MARVELD1: variants seen among roughly 807,000 people sequenced by gnomAD.
MARVELD1 encodes MARVEL domain-containing protein 1.
A neutral mutation model predicts 11.3 loss-of-function variants in MARVELD1; 7 were observed. The observed-to-expected ratio is 0.62, with a 90% CI of 0.35 to 1.16. The LOEUF is 1.16. Among genes scored for constraint, MARVELD1 ranks in the 50% most tolerant of loss-of-function variants. The probability of loss-of-function intolerance (pLI) is 0.02; values close to 1 mark genes in which losing one functional copy is unlikely to be tolerated. For synonymous variants in MARVELD1, 119 were observed against 121.4 expected (o/e 0.98, Z 0.13); for missense variants, 216 against 243.8 (o/e 0.89, Z 0.76).
Position 97,714,401 on chromosome 10 carries a change from C to A in MARVELD1, c.*3C>A, listed in dbSNP as rs747871426. 1.3e-6 allele frequency: 2 copies of A among 1,490,996 alleles called. No individual in the cohort carries two copies. Among genetic ancestry groups the A allele is most frequent in the South Asian group, 2.6e-5 (2 of 76,850 alleles). 92.4% of individuals were successfully genotyped at this position (1,490,996 alleles called of 1,614,324 possible). On this transcript the variant is annotated 3_prime_UTR_variant, in exon 1 of 2. Transcript: ENST00000285605. This position sits in a 1 kb window ranked among gnomAD's most constrained non-coding sequence, Gnocchi z 7.4. ...AGGGCAAGCAGGAGGTGGCGTGAGG[C>A]CGCCCGCGCCCGCCGCGGCCCCGAT...
At position 97,714,077 on chromosome 10, in the gene MARVELD1, C is replaced by T. The variant is rs1029543593; in HGVS notation, c.201C>T (p.Leu67=). 2.4e-5 allele frequency: 37 copies of T among 1,536,860 alleles called. No homozygotes were observed. The Admixed American group carries it at 6.9e-4, about 29-fold the overall frequency. Residue 67 remains leucine, a synonymous_variant, in exon 1 of 2, where the codon CTC becomes CTT. Transcript: ENST00000285605. The surrounding 1 kb of genome is among the most constrained non-coding windows in gnomAD (Gnocchi z 7.4). ...ACTTCGCGCTCTTCGTGTCCGTGCT[C>T]TTCTGGCTGCTCACCCTGGGCCTCT... is the stretch of plus-strand genomic sequence containing the variant. ...PVHFALFVSV[L]FWLLTLGLYF... is the part of the protein sequence containing the mutation.
chr10:97,714,426 T>C lies in MARVELD1; in HGVS notation c.*28T>C. The C allele has an allele frequency of 3.4e-6, 5 of 1,449,790 alleles. No individual in the cohort carries two copies. The highest frequency in any genetic ancestry group is 4.5e-6 in the Non-Finnish European group (5 of 1,100,684). The allele number at this position is 1,449,790 out of a possible 1,614,324, so 89.8% of individuals were successfully genotyped here. On this transcript the variant is annotated 3_prime_UTR_variant, in exon 1 of 2. Transcript: ENST00000285605. The surrounding 1 kb of genome is among the most constrained non-coding windows in gnomAD (Gnocchi z 7.4). ...CCGCCCGCGCCCGCCGCGGCCCCGA[T>C]CGGGGCGGGGGAATCCCCGGAGACC...
rs2041896543 is a variant in MARVELD1, at chr10:97,714,508, C to G, written c.*110C>G. On this transcript the variant is annotated 3_prime_UTR_variant, in exon 1 of 2. Coordinates refer to ENST00000285605, the MANE Select transcript of MARVELD1 (RefSeq NM_031484.4). The surrounding 1 kb of genome is among the most constrained non-coding windows in gnomAD (Gnocchi z 7.4). ...CCGCGCGGGTGCGCCCTGGCACCCT[C>G]TCCCTGCCCTCCAGCGTTTCCACTG... 4 of 787,070 alleles carry G rather than the reference C, an allele frequency of 5.1e-6. No individual in the cohort carries two copies. The highest frequency in any genetic ancestry group is 1.9e-5 in the African/African-American group (1 of 53,878). 48.8% of individuals were successfully genotyped at this position (787,070 alleles called of 1,614,324 possible).
At position 97,717,460 on chromosome 10, in the gene MARVELD1, G is replaced by A. The variant is rs139037273; in HGVS notation, c.*1854G>A. The A allele has an allele frequency of 2.2e-4, 34 of 152,270 alleles. No homozygotes were observed. The highest frequency in any genetic ancestry group is 7.7e-4 in the African/African-American group (32 of 41,556). The allele number at this position is 152,270 out of a possible 1,614,324, so 9.4% of individuals were successfully genotyped here. On this transcript the variant is annotated 3_prime_UTR_variant, in exon 2 of 2. Coordinates refer to ENST00000285605, the MANE Select transcript of MARVELD1 (RefSeq NM_031484.4). The stretch of plus-strand genomic sequence containing the variant: ...TCCTGTTCTCCTTGTGCTATGATTT[G>A]GACACAAGATTCTGGATACCTGGAA...
chr10:97,714,028 C>A lies in MARVELD1; in HGVS notation c.152C>A (p.Thr51Asn), dbSNP rs888235119. The change falls in exon 1 of 2, where the codon ACC becomes AAC. Residue 51 changes from threonine to asparagine, a missense_variant. Thr to Asn is a moderately conservative substitution (Grantham distance 65). Coordinates refer to ENST00000285605, the MANE Select transcript of MARVELD1 (RefSeq NM_031484.4). The surrounding 1 kb of genome is among the most constrained non-coding windows in gnomAD (Gnocchi z 7.4). The stretch of plus-strand genomic sequence containing the variant: ...GCTGCCTTCTGGATCACTATCGCCA[C>A]CAGCAAGTACCAGGGCCCCGTGCAC... ...AGAAFWITIA[T>N]SKYQGPVHFA... The A allele has an allele frequency of 6.5e-7, 1 of 1,536,648 alleles. No individual in the cohort carries two copies. The highest frequency in any genetic ancestry group is 8.7e-7 in the Non-Finnish European group (1 of 1,146,644).
At position 97,714,539 on chromosome 10, in the gene MARVELD1, C is replaced by A; in HGVS notation, c.*141C>A. ...GCCCTCCAGCGTTTCCACTGTCGCC[C>A]GCGCCCGGGAACCCTGACGCTCAGC... On this transcript the variant is annotated 3_prime_UTR_variant, in exon 1 of 2. Coordinates refer to ENST00000285605, the MANE Select transcript of MARVELD1 (RefSeq NM_031484.4). This position sits in a 1 kb window ranked among gnomAD's most constrained non-coding sequence, Gnocchi z 7.4. 1.6e-6 allele frequency: 1 copy of A among 606,598 alleles called. No homozygotes were observed. The highest frequency in any genetic ancestry group is 3.3e-5 in the East Asian group (1 of 30,024). The allele number at this position is 606,598 out of a possible 1,614,324, so 37.6% of individuals were successfully genotyped here.
rs2041922496 is a variant in MARVELD1, at chr10:97,717,864, AC to A, written c.*2261del. ...AAGGCCCTGTGCCATAGGGGTGGCC[AC>A]CCGACCTGCCCCCAGAACTTTTGGA... is the stretch of plus-strand genomic sequence containing the variant. On this transcript the variant is annotated 3_prime_UTR_variant, in exon 2 of 2. Transcript: ENST00000285605. The A allele has an allele frequency of 6.6e-6, 1 of 152,250 alleles. No homozygotes were observed. The highest frequency in any genetic ancestry group is 2.4e-5 in the African/African-American group (1 of 41,432). 9.4% of individuals were successfully genotyped at this position (152,250 alleles called of 1,614,324 possible). A position where few individuals can be genotyped will look rare whatever the true frequency, so the allele number is the denominator to read the frequency against.
chr10:97,714,272 G>C lies in MARVELD1; in HGVS notation c.396G>C (p.Pro132=). The change falls in exon 1 of 2, where the codon CCG becomes CCC. Residue 132 remains proline (P), a synonymous_variant. Coordinates refer to ENST00000285605, the MANE Select transcript of MARVELD1 (RefSeq NM_031484.4). This position sits in a 1 kb window ranked among gnomAD's most constrained non-coding sequence, Gnocchi z 7.4. The part of the protein sequence containing the change: ...RHSYCNLKDY[P]LPCAYHAFLA... ...GCTACTGCAACCTCAAGGATTACCC[G>C]CTCCCCTGCGCCTACCACGCCTTCC... 3 of 1,536,610 alleles carry C rather than the reference G, an allele frequency of 2.0e-6. No individual in the cohort carries two copies. The highest frequency in any genetic ancestry group is 2.6e-6 in the Non-Finnish European group (3 of 1,146,688).
rs1190046574 is a variant in MARVELD1, at chr10:97,715,113, A to G, written c.*715A>G. On this transcript the variant is annotated 3_prime_UTR_variant, in exon 1 of 2. Transcript: ENST00000285605. ...ACTTGTGGAGTCTCCTCTTGCCTCTACCTACTCCGCCTTTGTCCTTAAGGT... is the reference window on the plus strand; with the variant it reads ...ACTTGTGGAGTCTCCTCTTGCCTCTGCCTACTCCGCCTTTGTCCTTAAGGT... 6.6e-6 allele frequency: 1 copy of G among 152,388 alleles called. No homozygotes were observed. Among genetic ancestry groups the G allele is most frequent in the African/African-American group, 2.4e-5 (1 of 41,488 alleles). The allele number at this position is 152,388 out of a possible 1,614,324, so 9.4% of individuals were successfully genotyped here. A position where few individuals can be genotyped will look rare whatever the true frequency, so the allele number is the denominator to read the frequency against.
chr10:97,714,351 C>T lies in MARVELD1; in HGVS notation c.475C>T (p.Leu159Phe). The stretch of plus-strand genomic sequence containing the variant: ...CCACGGCCTCTACCTGCTTTCGGCG[C>T]TCTATGGCTGCGGGCGTCGCTGCCA... Reference protein sequence around the residue: ...VCHGLYLLSALYGCGRRCQGK... With the variant: ...VCHGLYLLSAFYGCGRRCQGK... Residue 159 changes from leucine (L) to phenylalanine (F), a missense_variant, in exon 1 of 2, where the codon CTC becomes TTC. By Grantham distance (22) the Leu-to-Phe change is conservative. Coordinates refer to ENST00000285605, the MANE Select transcript of MARVELD1 (RefSeq NM_031484.4). This position sits in a 1 kb window ranked among gnomAD's most constrained non-coding sequence, Gnocchi z 7.4. 3 of 1,533,316 alleles carry T rather than the reference C, an allele frequency of 2.0e-6. No homozygotes were observed. Among genetic ancestry groups the T allele is most frequent in the Non-Finnish European group, 2.6e-6 (3 of 1,145,720 alleles). 95.0% of individuals were successfully genotyped at this position (1,533,316 alleles called of 1,614,324 possible). A position where few individuals can be genotyped will look rare whatever the true frequency, so the allele number is the denominator to read the frequency against.
At position 97,714,136 on chromosome 10, in the gene MARVELD1, T is replaced by G. The variant is rs2041893616; in HGVS notation, c.260T>G (p.Val87Gly). 1.3e-6 allele frequency: 2 copies of G among 1,536,662 alleles called. No homozygotes were observed. The highest frequency in any genetic ancestry group is 1.7e-6 in the Non-Finnish European group (2 of 1,146,680). Residue 87 changes from valine (V) to glycine (G), a missense_variant, in exon 1 of 2, where the codon GTC becomes GGC. By Grantham distance (109) the Val-to-Gly change is moderately radical. Transcript: ENST00000285605. The surrounding 1 kb of genome is among the most constrained non-coding windows in gnomAD (Gnocchi z 7.4). Reference sequence around the variant, plus strand: ...ACGCTGCTGGGCAAGCACGAGCTGGTCCCCGTGCTGGGCTCGCGCTGGCTC... The same window carrying G: ...ACGCTGCTGGGCAAGCACGAGCTGGGCCCCGTGCTGGGCTCGCGCTGGCTC... ...FLTLLGKHEL[V>G]PVLGSRWLMV...
rs1258212739 is a variant in MARVELD1, at chr10:97,715,534, G to A, written c.*1136G>A. On this transcript the variant is annotated 3_prime_UTR_variant, in exon 1 of 2. Coordinates refer to ENST00000285605, the MANE Select transcript of MARVELD1 (RefSeq NM_031484.4). ...TCATTAGCTTATCAAAGACTGAGAA[G>A]TCCCGCTGTTACAGAAATAATTTAG... is the stretch of plus-strand genomic sequence containing the variant. The A allele has an allele frequency of 1.3e-5, 2 of 152,250 alleles. No homozygotes were observed. The highest frequency in any genetic ancestry group is 2.9e-5 in the Non-Finnish European group (2 of 68,048). The allele number at this position is 152,250 out of a possible 1,614,324, so 9.4% of individuals were successfully genotyped here. A position where few individuals can be genotyped will look rare whatever the true frequency, so the allele number is the denominator to read the frequency against.
In MARVELD1 at chr10:97,714,176, G is replaced by A. The variant is rs1233555166; in HGVS notation, c.300G>A (p.Ala100=). Residue 100 remains alanine, a synonymous_variant, in exon 1 of 2, where the codon GCG becomes GCA. Transcript: ENST00000285605. The surrounding 1 kb of genome is among the most constrained non-coding windows in gnomAD (Gnocchi z 7.4). ...LGSRWLMVNV[A]HDVLAAALYG... is the part of the protein sequence containing the mutation. ...CGCGCTGGCTCATGGTCAACGTGGCGCACGATGTGCTGGCGGCCGCGCTCT... is the reference window on the plus strand; with the variant it reads ...CGCGCTGGCTCATGGTCAACGTGGCACACGATGTGCTGGCGGCCGCGCTCT... 8 of 1,536,700 alleles carry A rather than the reference G, an allele frequency of 5.2e-6. No individual in the cohort carries two copies. Among genetic ancestry groups the A allele is most frequent in the Middle Eastern group, 1.7e-4 (1 of 5,986 alleles).
chr10:97,717,158 T>C (rs7896853), intron 1 of MARVELD1, 36 bp from the exon 2 acceptor site: 67,833 of 151,948 alleles, frequency 0.45, 17,969 homozygotes, highest in African/African-American at 0.72. Context: ...CTTGGGGTGC[T>C]TTGGAAGCCC....
In MARVELD1 at chr10:97,714,481, C is replaced by CCG. The variant is rs1283944864; in HGVS notation, c.*84_*85insGC. On this transcript the variant is annotated 3_prime_UTR_variant, in exon 1 of 2. Coordinates refer to ENST00000285605, the MANE Select transcript of MARVELD1 (RefSeq NM_031484.4). This position sits in a 1 kb window ranked among gnomAD's most constrained non-coding sequence, Gnocchi z 7.4. ...TCCTTAATCCCTTCCCCCGCCGCCGCCCCGCGCGGGTGCGCCCTGGCACCC... is the reference window on the plus strand; with the variant it reads ...TCCTTAATCCCTTCCCCCGCCGCCGCCGCCCGCGCGGGTGCGCCCTGGCACCC... 1 of 1,123,488 alleles carries CCG rather than the reference C, an allele frequency of 8.9e-7. No individual in the cohort carries two copies. The highest frequency in any genetic ancestry group is 2.8e-5 in the East Asian group (1 of 35,708). The allele number at this position is 1,123,488 out of a possible 1,614,324, so 69.6% of individuals were successfully genotyped here. A position where few individuals can be genotyped will look rare whatever the true frequency, so the allele number is the denominator to read the frequency against.
Position 97,713,888 on chromosome 10 carries a change from GCCC to G in MARVELD1, c.15_17del (p.Pro6del). 1 of 910,700 alleles carries G rather than the reference GCCC, an allele frequency of 1.1e-6. No homozygotes were observed. The highest frequency in any genetic ancestry group is 1.3e-6 in the Non-Finnish European group (1 of 754,538). 56.4% of individuals were successfully genotyped at this position (910,700 alleles called of 1,614,324 possible). On this transcript the variant is annotated inframe_deletion, in exon 1 of 2. Coordinates refer to ENST00000285605, the MANE Select transcript of MARVELD1 (RefSeq NM_031484.4). This position sits in a 1 kb window ranked among gnomAD's most constrained non-coding sequence, Gnocchi z 5.7. The stretch of plus-strand genomic sequence containing the variant: ...CGCGCCCAGGGGCCATGCTCCCGCC[GCCC>G]CCGCGCCAGCCGCCGCCCCAGGCGC...
intron 1 of MARVELD1, among the ~76,000 whole-genome samples, chr10:97,716,230 G>T (rs1053380237): frequency 1.3e-5 from 2 of 151,952 alleles, no homozygotes; most frequent in Non-Finnish European, 2.9e-5. Context: ...GGTCACCCAC[G>T]CTGGAGTGCA....
rs1433966224 is a variant in MARVELD1 at position 97,715,373 on chromosome 10, G to A, written c.*975G>A. The A allele has an allele frequency of 6.6e-6, 1 of 152,248 alleles. No homozygotes were observed. Among genetic ancestry groups the A allele is most frequent in the African/African-American group, 2.4e-5 (1 of 41,462 alleles). The allele number at this position is 152,248 out of a possible 1,614,324, so 9.4% of individuals were successfully genotyped here. A position where few individuals can be genotyped will look rare whatever the true frequency, so the allele number is the denominator to read the frequency against. On this transcript the variant is annotated 3_prime_UTR_variant, in exon 1 of 2. Coordinates refer to ENST00000285605, the MANE Select transcript of MARVELD1 (RefSeq NM_031484.4). Reference sequence around the variant, plus strand: ...ACAGCCAGAGTAAGATTGGAACCCAGACTTGCAGTCCAGCGCTGTTTGCAT... The same window carrying A: ...ACAGCCAGAGTAAGATTGGAACCCAAACTTGCAGTCCAGCGCTGTTTGCAT...
rs1254140397 is a variant in MARVELD1 at position 97,714,058 on chromosome 10, C to T, written c.182C>T (p.Ala61Val). ...TSKYQGPVHF[A>V]LFVSVLFWLL... ...AAGTACCAGGGCCCCGTGCACTTCG[C>T]GCTCTTCGTGTCCGTGCTCTTCTGG... Residue 61 changes from alanine (A) to valine (V), a missense_variant, in exon 1 of 2, where the codon GCG becomes GTG. Transcript: ENST00000285605. The surrounding 1 kb of genome is among the most constrained non-coding windows in gnomAD (Gnocchi z 7.4). 1.3e-6 allele frequency: 2 copies of T among 1,536,890 alleles called. No individual in the cohort carries two copies. The highest frequency in any genetic ancestry group is 1.7e-6 in the Non-Finnish European group (2 of 1,146,698).
Sources: allele counts gnomAD v4.1 joint callset (sites outside exome capture counted in the v4.1 genomes callset), GRCh38; gene constraint gnomAD v4.1.1; non-coding constraint Gnocchi (gnomAD v3.1); transcripts MANE v1.5; gene names NCBI Gene and HGNC (gene_info 2026-07-23, HGNC 2026-07-21).